RHPN2: variants seen among roughly 807,000 people sequenced by gnomAD.
RHPN2 encodes the protein rhophilin Rho GTPase binding protein 2, also known as rhophilin-2.
In RHPN2, 40 loss-of-function variants were observed where a neutral mutation model predicts 79.0. The observed-to-expected ratio is 0.51, with a 90% CI of 0.39 to 0.66. The LOEUF is 0.66. RHPN2 is among the 30% of genes least tolerant of loss of function. The pLI, the probability that RHPN2 is intolerant of heterozygous loss-of-function variation, is 0.00. For missense variants in RHPN2, 686 were observed against 883.5 expected, an observed-to-expected ratio of 0.78 and a Z score of 2.83; for synonymous variants, 285 against 363.5, an observed-to-expected ratio of 0.78 and a Z score of 2.46.
chr19:32,999,458 A>C, intron 10 of RHPN2, 128 bp downstream of exon 10: 2 of 1,196,766 alleles, frequency 1.7e-6, no homozygotes, highest in South Asian at 2.6e-5. Flanking sequence ...CTGAACCCAA[A>C]GTGGCCACGA....
chr19:33,064,727 G>C, intron 1 of RHPN2, 57 bp downstream of exon 1: 2 of 1,479,210 alleles, frequency 1.4e-6, no homozygotes, highest in Non-Finnish European at 1.8e-6. Context: ...TGCAGGGCCC[G>C]GGGGAAAGGA....
At chr19:33,002,700 C>T in intron 8 of RHPN2, 113 bp downstream of exon 8, 1 of 1,149,588 alleles carries the variant, frequency 8.7e-7, no homozygotes. Flanking sequence ...CCGGAGCTGG[C>T]ACAATGCCCA....
At position 32,996,206 on chromosome 19, in the gene RHPN2, G is replaced by C; in HGVS notation, c.1240C>G (p.Arg414Gly). 4 of 1,614,124 alleles carry C rather than the reference G, an allele frequency of 2.5e-6. No individual in the cohort carries two copies. Among genetic ancestry groups the C allele is most frequent in the South Asian group, 1.1e-5 (1 of 91,086 alleles). Residue 414 changes from arginine (R) to glycine (G), a missense_variant, in exon 11 of 15, where the codon CGC (arginine) becomes GGC (glycine). Arg to Gly is a moderately radical substitution (Grantham distance 125). Transcript: ENST00000254260. ...QRRQLGKSHL[R>G]RAMAHHEESV... ...TCCTCGTGATGAGCCATGGCTCTGCGCAAGTGGGACTTCCCTGCAGACGGA... is the reference window on the plus strand; with the variant it reads ...TCCTCGTGATGAGCCATGGCTCTGCCCAAGTGGGACTTCCCTGCAGACGGA...
Position 33,026,493 on chromosome 19 carries a change from C to A in RHPN2, c.314+11G>T, listed in dbSNP as rs751198200. On this transcript the variant is annotated intron_variant, in intron 3 of 14. Transcript: ENST00000254260. Reference sequence around the variant, plus strand: ...TCAGAGGCTTTTGGAAGGTGTGCTGCTCCCACTTACTCTGTGTTCTGATAG... The same window carrying A: ...TCAGAGGCTTTTGGAAGGTGTGCTGATCCCACTTACTCTGTGTTCTGATAG... 6.2e-7 allele frequency: 1 copy of A among 1,607,368 alleles called. No individual in the cohort carries two copies.
At chr19:33,004,479 A>T (rs1405909967) in intron 7 of RHPN2, among the ~76,000 whole-genome samples, 1 of 152,194 alleles carries the variant, frequency 6.6e-6, no homozygotes, top group Non-Finnish European at 1.5e-5. Flanking sequence ...GGATAATTTT[A>T]AAATTTTTAA....
intron 2 of RHPN2, among the ~76,000 whole-genome samples, chr19:33,038,657 TTTC>T (rs1972076832): frequency 1.3e-5 from 2 of 151,526 alleles, no homozygotes; most frequent in Admixed American, 1.3e-4. Context: ...CCCAGCTAAT[TTTC>T]TTTTCTTTTT....
At chr19:32,989,588 T>G (rs1248299871) in intron 14 of RHPN2, among the ~76,000 whole-genome samples, 2 of 152,246 alleles carry the variant, frequency 1.3e-5, no homozygotes, top group Non-Finnish European at 2.9e-5. Context: ...TTTTTTATTT[T>G]TTTCACTATG....
chr19:33,001,725 G>A (rs1971750431), intron 9 of RHPN2, among the ~76,000 whole-genome samples: 1 of 152,056 alleles, frequency 6.6e-6, no homozygotes, highest in Non-Finnish European at 1.5e-5. Flanking sequence ...TCCTGCCTCA[G>A]TCACCCGAGT....
chr19:33,050,900 G>C (rs763987015), intron 1 of RHPN2, among the ~76,000 whole-genome samples: 53 of 151,974 alleles, frequency 3.5e-4, no homozygotes, highest in Non-Finnish European at 6.2e-4. Context: ...AACATACTAG[G>C]GTGTGTTTAT....
intron 14 of RHPN2, among the ~76,000 whole-genome samples, chr19:32,987,662 C>T (rs541501299): frequency 1.3e-5 from 2 of 152,338 alleles, no homozygotes; most frequent in African/African-American, 2.4e-5. Flanking sequence ...GCCCTAGCCC[C>T]CTTGCAGGGA....
At position 33,064,714 on chromosome 19, in the gene RHPN2, C is replaced by G. The variant is rs1161447984; in HGVS notation, c.69+70G>C. The G allele has an allele frequency of 3.4e-6, 5 of 1,478,726 alleles. No homozygotes were observed. In the South Asian group the frequency reaches 6.2e-5, roughly 18 times the overall value. 91.6% of individuals were successfully genotyped at this position (1,478,726 alleles called of 1,614,324 possible). On this transcript the variant is annotated intron_variant, in intron 1 of 14. Coordinates refer to ENST00000254260, the MANE Select transcript of RHPN2 (RefSeq NM_033103.5). The stretch of plus-strand genomic sequence containing the variant: ...GACCCCGACTGCGCGCTCCCACGGC[C>G]CCTGCAGGGCCCGGGGGAAAGGAGG...
At chr19:33,064,730 G>C (rs1972312739) in intron 1 of RHPN2, 54 bp downstream of exon 1, 3 of 1,505,348 alleles carry the variant, frequency 2.0e-6, no homozygotes, top group Non-Finnish European at 2.7e-6. Flanking sequence ...AGGGCCCGGG[G>C]GAAAGGAGGT....
chr19:32,980,119 G>A lies in RHPN2; in HGVS notation c.1938C>T (p.Asn646=), dbSNP rs1971561962. 6.2e-7 allele frequency: 1 copy of A among 1,613,960 alleles called. No individual in the cohort carries two copies. Among genetic ancestry groups the A allele is most frequent in the Non-Finnish European group, 8.5e-7 (1 of 1,179,860 alleles). ...KKLSFLSWGT[N]KNRQKSASTL... ...TGCTGGCTGACTTCTGTCTGTTCTT[G>A]TTGGTGCCCCAACTCAGGAAGGAAA... The change falls in exon 15 of 15, where the codon AAC becomes AAT. Residue 646 remains asparagine, a synonymous_variant. Coordinates refer to ENST00000254260, the MANE Select transcript of RHPN2 (RefSeq NM_033103.5).
intron 1 of RHPN2, among the ~76,000 whole-genome samples, chr19:33,056,245 T>A (rs1972232114): frequency 6.6e-6 from 1 of 151,876 alleles, no homozygotes; most frequent in African/African-American, 2.4e-5. Flanking sequence ...CCCGAGTAGC[T>A]GGGATTACAG....
chr19:33,055,733 TAA>T (rs143391688), intron 1 of RHPN2, among the ~76,000 whole-genome samples: 7 of 136,284 alleles, frequency 5.1e-5, no homozygotes, highest in East Asian at 2.1e-4. Context: ...GCTTCTGGGT[TAA>T]AAAAAAAAAA....
At chr19:33,016,049 C>CA (rs1971874901) in intron 4 of RHPN2, among the ~76,000 whole-genome samples, 1 of 110,082 alleles carries the variant, frequency 9.1e-6, no homozygotes, top group African/African-American at 3.2e-5. Flanking sequence ...GACTCTGTTT[C>CA]AAAAACAAAC....
chr19:33,064,755 T>TGGGCCCCCCCC, intron 1 of RHPN2, 29 bp downstream of exon 1: 15 of 1,427,934 alleles, frequency 1.1e-5, no homozygotes, highest in Non-Finnish European at 1.3e-5. Context: ...AGCCCGCAGG[T>TGGGCCCCCCCC]CCCCGCCCGC....
chr19:32,997,123 T>C (rs978472120), intron 10 of RHPN2, among the ~76,000 whole-genome samples: 8 of 152,212 alleles, frequency 5.3e-5, no homozygotes, highest in African/African-American at 1.9e-4. Flanking sequence ...GGTCTCAAAC[T>C]CCTGGCCTCA....
chr19:33,012,832 A>C, intron 4 of RHPN2, 108 bp from the exon 5 acceptor site: 1 of 696,526 alleles, frequency 1.4e-6, no homozygotes, highest in Non-Finnish European at 2.6e-6. Context: ...CAGAATAAAG[A>C]AAAACTTATA....
Sources: gnomAD v4.1 joint callset for allele counts (sites outside exome capture counted in the v4.1 genomes callset) on GRCh38, gnomAD v4.1.1 for gene constraint, MANE v1.5 for transcripts, NCBI Gene and HGNC (gene_info 2026-07-23, HGNC 2026-07-21) for gene names.